Variants in CNTNAP5 observed in about 807,000 individuals in gnomAD.
CNTNAP5 encodes the protein contactin associated protein family member 5.
CNTNAP5 carries 72 observed loss-of-function variants against 150.2 expected under a neutral mutation model. The observed-to-expected ratio is 0.48, with a 90% CI of 0.40 to 0.58. The LOEUF is 0.58. Ranked by LOEUF, CNTNAP5 falls within the 20% of genes least tolerant of loss-of-function variation. The probability of loss-of-function intolerance (pLI) is 0.00; values close to 1 mark genes in which losing one functional copy is unlikely to be tolerated. For missense variants in CNTNAP5, 1,636 were observed against 1,626.2 expected (o/e 1.01, Z -0.10); for synonymous variants, 672 against 619.8 (o/e 1.08, Z -1.25).
At chr2:124,369,106 C>G (rs1229703956) in intron 3 of CNTNAP5, among the ~76,000 whole-genome samples, 1 of 152,052 alleles carries the variant, frequency 6.6e-6, no homozygotes, top group African/African-American at 2.4e-5. Context: ...TTGGTGGACC[C>G]CTGGCTGTCT....
intron 1 of CNTNAP5, among the ~76,000 whole-genome samples, chr2:124,203,705 G>A (rs925104459): frequency 6.6e-6 from 1 of 152,216 alleles, no homozygotes; most frequent in African/African-American, 2.4e-5. Flanking sequence ...TGCACCCTCT[G>A]AAGCAACGAT....
intron 13 of CNTNAP5, among the ~76,000 whole-genome samples, chr2:124,729,813 A>T (rs1190367564): frequency 6.6e-6 from 1 of 152,148 alleles, no homozygotes; most frequent in Admixed American, 6.6e-5. Flanking sequence ...TACTGCTTGA[A>T]TTACACTATC....
At chr2:124,761,163 A>G (rs559292621) in intron 14 of CNTNAP5, among the ~76,000 whole-genome samples, 1 of 152,198 alleles carries the variant, frequency 6.6e-6, no homozygotes, top group African/African-American at 2.4e-5. Context: ...AATAGGTACC[A>G]CCATCATTTG....
intron 1 of CNTNAP5, among the ~76,000 whole-genome samples, chr2:124,172,785 G>C (rs62163907): frequency 0.76 from 112,484 of 148,064 alleles, 43,031 homozygotes; most frequent in Non-Finnish European, 0.79. Context: ...CTCTCTGTGT[G>C]TGTGTGTGTG....
intron 3 of CNTNAP5, among the ~76,000 whole-genome samples, chr2:124,306,213 C>A (rs890659651): frequency 5.9e-5 from 9 of 152,190 alleles, no homozygotes; most frequent in African/African-American, 2.2e-4. Flanking sequence ...AAATAAGATC[C>A]CAGCTATGTT....
chr2:124,348,580 G>A (rs912881627), intron 3 of CNTNAP5, among the ~76,000 whole-genome samples: 3 of 152,094 alleles, frequency 2.0e-5, no homozygotes, highest in Non-Finnish European at 2.9e-5. Flanking sequence ...TTTAGAAAAT[G>A]CAGACATGTA....
intron 3 of CNTNAP5, among the ~76,000 whole-genome samples, chr2:124,288,603 G>A (rs1688210772): frequency 6.6e-6 from 1 of 151,860 alleles, no homozygotes; most frequent in Non-Finnish European, 1.5e-5. Flanking sequence ...AGCATGCTTT[G>A]GATAATAATA....
intron 10 of CNTNAP5, among the ~76,000 whole-genome samples, chr2:124,536,650 C>T (rs1352065924): frequency 6.6e-6 from 1 of 152,068 alleles, no homozygotes; most frequent in Non-Finnish European, 1.5e-5. Context: ...TAAGGAAAGC[C>T]TGTTACCAAA....
At chr2:124,573,851 G>A (rs186066288) in intron 11 of CNTNAP5, among the ~76,000 whole-genome samples, 35 of 152,204 alleles carry the variant, frequency 2.3e-4, no homozygotes, top group Admixed American at 8.5e-4. Flanking sequence ...GTTGTTTTTG[G>A]TCTCTAAAAT....
At chr2:124,365,513 T>C (rs1054200725) in intron 3 of CNTNAP5, among the ~76,000 whole-genome samples, 1 of 152,166 alleles carries the variant, frequency 6.6e-6, no homozygotes, top group Admixed American at 6.5e-5. Flanking sequence ...CTTCACAAAC[T>C]ATTGGTGCTA....
At chr2:124,347,557 A>G (rs1276577182) in intron 3 of CNTNAP5, among the ~76,000 whole-genome samples, 3 of 152,156 alleles carry the variant, frequency 2.0e-5, no homozygotes, top group African/African-American at 7.2e-5. Flanking sequence ...TTTATTTCCA[A>G]AATTAAATTT....
At chr2:124,687,940 A>G (rs555447423) in intron 13 of CNTNAP5, among the ~76,000 whole-genome samples, 1 of 152,170 alleles carries the variant, frequency 6.6e-6, no homozygotes, top group East Asian at 1.9e-4. Flanking sequence ...ATTCAAGTAC[A>G]TTTTACTAGT....
intron 5 of CNTNAP5, among the ~76,000 whole-genome samples, chr2:124,445,183 A>G (rs1692783661): frequency 1.3e-5 from 2 of 149,414 alleles, no homozygotes; most frequent in East Asian, 2.0e-4. Context: ...TCCGCCTCCC[A>G]GGTTCAAGCA....
chr2:124,472,615 G>T (rs796513997), intron 6 of CNTNAP5, among the ~76,000 whole-genome samples: 15 of 151,134 alleles, frequency 9.9e-5, no homozygotes, highest in African/African-American at 3.6e-4. Context: ...TACCTTGCAG[G>T]TATTGTGGAT....
chr2:124,145,833 A>AG (rs1684234138), intron 1 of CNTNAP5, among the ~76,000 whole-genome samples: 1 of 9,696 alleles, frequency 1.0e-4, no homozygotes, highest in Non-Finnish European at 1.7e-4. Flanking sequence ...AAAAAAGAAG[A>AG]AAAAAAAAAA....
At position 124,679,783 on chromosome 2, in the gene CNTNAP5, T is replaced by G. The variant is rs1311966357; in HGVS notation, c.2077+31825T>G. Among the ~76,000 whole-genome samples, 3 of 151,902 alleles carry G rather than the reference T, an allele frequency of 2.0e-5. 1 individual carries two copies. The Admixed American group carries it at 2.0e-4, about 10-fold the overall frequency. On this transcript the variant is annotated intron_variant, in intron 13 of 23. Coordinates refer to ENST00000682447, the MANE Select transcript of CNTNAP5 (RefSeq NM_001367498.1). ...TCTCGACATGTTGCCCAGGCTAGTC[T>G]CAGACTCCTGGGCTCAAGTGATCTG...
intron 1 of CNTNAP5, among the ~76,000 whole-genome samples, chr2:124,058,640 T>C (rs775209731): frequency 1.7e-4 from 26 of 152,294 alleles, no homozygotes; most frequent in Non-Finnish European, 3.5e-4. Flanking sequence ...TGCCTGTCGT[T>C]GTCATCAGCC....
At chr2:124,660,407 T>C (rs945829054) in intron 13 of CNTNAP5, among the ~76,000 whole-genome samples, 3 of 152,186 alleles carry the variant, frequency 2.0e-5, no homozygotes, top group Admixed American at 6.5e-5. Context: ...ATGAACCAAG[T>C]AGTATCTAAA....
chr2:124,091,613 G>A (rs1333951653), intron 1 of CNTNAP5, among the ~76,000 whole-genome samples: 2 of 152,128 alleles, frequency 1.3e-5, no homozygotes, highest in African/African-American at 4.8e-5. Flanking sequence ...TATATCCCTG[G>A]GTGAATGGCA....
Sources: gnomAD v4.1 joint callset for allele counts (sites outside exome capture counted in the v4.1 genomes callset) on GRCh38, gnomAD v4.1.1 for gene constraint, MANE v1.5 for transcripts, NCBI Gene and HGNC (gene_info 2026-07-23, HGNC 2026-07-21) for gene names.